The following PTPRD variants were observed in gnomAD, a reference collection of about 807,000 sequenced individuals.
PTPRD encodes protein tyrosine phosphatase receptor type D, also known as receptor-type tyrosine-protein phosphatase delta.
In PTPRD, 34 loss-of-function variants were observed where a neutral mutation model predicts 214.5. That is an observed-to-expected ratio of 0.16 (90% confidence interval 0.12 to 0.21). PTPRD has a LOEUF of 0.21. Ranked by LOEUF, PTPRD falls within the 10% of genes least tolerant of loss-of-function variation. PTPRD has a pLI of 1.00. For missense variants in PTPRD, 2,545 were observed against 2,398.7 expected, an observed-to-expected ratio of 1.06 and a Z score of -1.27; for synonymous variants, 1,128 against 845.7, an observed-to-expected ratio of 1.33 and a Z score of -5.79.
At position 9,471,995 on chromosome 9, in the gene PTPRD, A is replaced by T. The variant is rs2094622507; in HGVS notation, c.-236-74513T>A. Among the ~76,000 whole-genome samples, 3 of 152,164 alleles carry T rather than the reference A, an allele frequency of 2.0e-5. No homozygotes were observed. In the South Asian group the frequency reaches 6.2e-4, roughly 31 times the overall value. Reference sequence around the variant, plus strand: ...TTGCAATTACCAGAAAATTCCATTTATAAAATATAGACCATTACCTACTTA... The same window carrying T: ...TTGCAATTACCAGAAAATTCCATTTTTAAAATATAGACCATTACCTACTTA... On this transcript the variant is annotated intron_variant, in intron 8 of 45. Transcript: ENST00000381196.
At chr9:9,024,772 T>C (rs1016160820) in intron 10 of PTPRD, among the ~76,000 whole-genome samples, 24 of 152,082 alleles carry the variant, frequency 1.6e-4, no homozygotes, top group African/African-American at 5.8e-4. Flanking sequence ...ATGTCTTCTA[T>C]AATTACTTGT....
chr9:8,931,165 C>T (rs1314967897), intron 11 of PTPRD, among the ~76,000 whole-genome samples: 1 of 151,902 alleles, frequency 6.6e-6, no homozygotes, highest in Non-Finnish European at 1.5e-5. Context: ...GATCCAGTTT[C>T]AGCTTTCTAC....
chr9:10,488,684 C>A (rs1157356515), intron 2 of PTPRD, among the ~76,000 whole-genome samples: 1 of 152,140 alleles, frequency 6.6e-6, no homozygotes, highest in African/African-American at 2.4e-5. Flanking sequence ...CTCAGTCCTT[C>A]CCACTCTTCC....
At chr9:9,477,385 C>G (rs1386743838) in intron 8 of PTPRD, among the ~76,000 whole-genome samples, 1 of 152,022 alleles carries the variant, frequency 6.6e-6, no homozygotes, top group Non-Finnish European at 1.5e-5. Context: ...CAAACTGGGA[C>G]CATTTGAAGG....
At chr9:9,370,827 G>A (rs890230483) in intron 9 of PTPRD, among the ~76,000 whole-genome samples, 3 of 151,840 alleles carry the variant, frequency 2.0e-5, no homozygotes, top group Non-Finnish European at 4.4e-5. Context: ...ATGAAGTGTT[G>A]TTGAATTTTG....
intron 11 of PTPRD, among the ~76,000 whole-genome samples, chr9:8,828,560 A>C (rs1277335450): frequency 1.3e-5 from 2 of 152,188 alleles, no homozygotes; most frequent in Non-Finnish European, 2.9e-5. Context: ...GCAGTAGCTC[A>C]AAGAGACTAA....
intron 3 of PTPRD, among the ~76,000 whole-genome samples, chr9:10,278,767 T>TTTTGTTTGG (rs567429953): frequency 6.6e-6 from 1 of 151,528 alleles, no homozygotes; most frequent in African/African-American, 2.4e-5. Context: ...AAAGGTTTTT[T>TTTTGTTTGG]TTTTGTTTTG....
intron 2 of PTPRD, among the ~76,000 whole-genome samples, chr9:10,435,963 A>G (rs1451719798): frequency 1.3e-5 from 2 of 151,828 alleles, no homozygotes; most frequent in African/African-American, 2.4e-5. Context: ...AAATGGACAT[A>G]CACACACAAA....
At chr9:9,060,308 C>T (rs2099704711) in intron 10 of PTPRD, among the ~76,000 whole-genome samples, 1 of 152,100 alleles carries the variant, frequency 6.6e-6, no homozygotes, top group African/African-American at 2.4e-5. Context: ...GAAATGAAAA[C>T]TCTTAATAAG....
At chr9:10,375,557 C>CT (rs1046533149) in intron 2 of PTPRD, among the ~76,000 whole-genome samples, 2 of 151,970 alleles carry the variant, frequency 1.3e-5, no homozygotes, top group African/African-American at 4.8e-5. Context: ...TTAGTATGTT[C>CT]TATCTTTGCT....
chr9:10,140,757 G>A (rs2098978930), intron 3 of PTPRD, among the ~76,000 whole-genome samples: 1 of 152,044 alleles, frequency 6.6e-6, no homozygotes, highest in Non-Finnish European at 1.5e-5. Flanking sequence ...TATGAGGCCA[G>A]CATCATCCTG....
intron 34 of PTPRD, among the ~76,000 whole-genome samples, chr9:8,439,006 T>C (rs574739185): frequency 3.9e-5 from 6 of 152,328 alleles, no homozygotes; most frequent in African/African-American, 1.4e-4. Flanking sequence ...AGTCATTATA[T>C]TCCACATCAG....
At chr9:10,280,820 G>T (rs76335613) in intron 3 of PTPRD, among the ~76,000 whole-genome samples, 1,946 of 151,430 alleles carry the variant, frequency 0.013, 25 homozygotes, top group Middle Eastern at 0.041. Context: ...CCACTTTGTT[G>T]TCCAGGCTGG....
intron 9 of PTPRD, among the ~76,000 whole-genome samples, chr9:9,295,777 C>T (rs1024454454): frequency 1.3e-5 from 2 of 151,778 alleles, no homozygotes; most frequent in South Asian, 2.1e-4. Context: ...GTGGGGAACA[C>T]GGAAGCTTGT....
At chr9:9,715,083 A>C (rs117199872) in intron 7 of PTPRD, among the ~76,000 whole-genome samples, 1 of 152,194 alleles carries the variant, frequency 6.6e-6, no homozygotes, top group African/African-American at 2.4e-5. Flanking sequence ...ACCTGGGTTT[A>C]TGCTGGATCC....
chr9:8,782,594 C>T (rs987899857), intron 11 of PTPRD, among the ~76,000 whole-genome samples: 31 of 129,870 alleles, frequency 2.4e-4, no homozygotes, highest in South Asian at 7.2e-4. Context: ...AAATACTTAA[C>T]GCTTTTTTTT....
chr9:10,316,193 A>G (rs1222193379), intron 3 of PTPRD, among the ~76,000 whole-genome samples: 1 of 147,372 alleles, frequency 6.8e-6, no homozygotes, highest in Non-Finnish European at 1.5e-5. Flanking sequence ...ATACATATAT[A>G]TAGACACACA....
intron 7 of PTPRD, among the ~76,000 whole-genome samples, chr9:9,679,379 A>G (rs894926755): frequency 2.6e-5 from 4 of 151,906 alleles, no homozygotes; most frequent in Non-Finnish European, 5.9e-5. Flanking sequence ...ATAGTCAATC[A>G]ATCCATAAAT....
At chr9:9,600,313 G>GT (rs1439573300) in intron 7 of PTPRD, among the ~76,000 whole-genome samples, 9 of 152,022 alleles carry the variant, frequency 5.9e-5, no homozygotes, top group African/African-American at 2.2e-4. Context: ...ACACCAGTAT[G>GT]TTTCTTTTTT....
Sources: gnomAD v4.1 joint callset for allele counts (sites outside exome capture counted in the v4.1 genomes callset) on GRCh38, gnomAD v4.1.1 for gene constraint, MANE v1.5 for transcripts, NCBI Gene and HGNC (gene_info 2026-07-23, HGNC 2026-07-21) for gene names.